The following ASCC1 variants were observed in gnomAD, a reference collection of about 807,000 sequenced individuals.
ASCC1 encodes ASC-1 complex subunit P50.
Under a neutral mutation model 46.6 loss-of-function variants are expected in ASCC1, and 35 were observed. The observed-to-expected ratio is 0.75, with a 90% CI of 0.57 to 0.99. The LOEUF (loss-of-function observed/expected upper bound fraction) is 0.99, where lower values mean the gene tolerates loss of function less well. ASCC1 is among the 50% of genes least tolerant of loss of function. The probability of loss-of-function intolerance (pLI) is 0.00; values close to 1 mark genes in which losing one functional copy is unlikely to be tolerated. For missense variants in ASCC1, 376 were observed against 428.7 expected, an observed-to-expected ratio of 0.88 and a Z score of 1.09; for synonymous variants, 143 against 146.6, an observed-to-expected ratio of 0.98 and a Z score of 0.18.
intron 7 of ASCC1, among the ~76,000 whole-genome samples, chr10:72,142,365 C>CTT (rs71018255): frequency 5.5e-4 from 76 of 137,130 alleles, no homozygotes; most frequent in African/African-American, 1.3e-3. Context: ...GCAGATTTCA[C>CTT]TTTTTTTTTT....
intron 5 of ASCC1, among the ~76,000 whole-genome samples, chr10:72,173,277 C>T (rs1851463014): frequency 6.6e-6 from 1 of 152,014 alleles, no homozygotes; most frequent in African/African-American, 2.4e-5. Context: ...CTTTATTCTT[C>T]AACTTTCTCT....
At chr10:72,157,400 T>C (rs765795150) in intron 6 of ASCC1, among the ~76,000 whole-genome samples, 2 of 152,230 alleles carry the variant, frequency 1.3e-5, no homozygotes, top group Admixed American at 6.5e-5. Context: ...TCACCCTGCA[T>C]AGTTATATCA....
At chr10:72,122,966 A>C (rs1844389026) in intron 9 of ASCC1, among the ~76,000 whole-genome samples, 1 of 152,218 alleles carries the variant, frequency 6.6e-6, no homozygotes, top group Non-Finnish European at 1.5e-5. Flanking sequence ...TCAATAATCT[A>C]AGCTTCTTCC....
chr10:72,099,029 A>G (rs1045491083), intron 9 of ASCC1, among the ~76,000 whole-genome samples: 1 of 152,262 alleles, frequency 6.6e-6, no homozygotes. Context: ...CAGAAAAGCT[A>G]TAACCAAAGA....
At position 72,167,267 on chromosome 10, in the gene ASCC1, C is replaced by T. The variant is rs117702913; in HGVS notation, c.490-5593G>A. 9.7e-3 allele frequency among the ~76,000 whole-genome samples: 1,474 copies of T among 152,170 alleles called. 6 individuals are homozygous for T. Among genetic ancestry groups the T allele is most frequent in the Non-Finnish European group, 0.017 (1,132 of 68,008 alleles). On this transcript the variant is annotated intron_variant, in intron 5 of 9. Transcript: ENST00000672957. Reference sequence around the variant, plus strand: ...GGCTAGCCATATATGCAACACTATTCGGAAATCAAAAGTAATGAACTACTA... The same window carrying T: ...GGCTAGCCATATATGCAACACTATTTGGAAATCAAAAGTAATGAACTACTA...
intron 8 of ASCC1, 47 bp from the exon 9 acceptor site, chr10:72,128,214 G>C (rs1257074391): frequency 6.5e-7 from 1 of 1,539,374 alleles, no homozygotes; most frequent in South Asian, 1.1e-5. Context: ...TTGATTGGTT[G>C]TTTTCTCTTG....
chr10:72,105,463 A>G (rs1842245698), intron 9 of ASCC1, among the ~76,000 whole-genome samples: 1 of 152,242 alleles, frequency 6.6e-6, no homozygotes, highest in South Asian at 2.1e-4. Context: ...CACCCCCGTC[A>G]CAAGTCTGAC....
At chr10:72,115,306 C>T (rs564432140) in intron 9 of ASCC1, among the ~76,000 whole-genome samples, 13 of 152,246 alleles carry the variant, frequency 8.5e-5, no homozygotes, top group African/African-American at 3.1e-4. Context: ...CACTGAGAGG[C>T]ACCTAAGAGG....
chr10:72,131,636 C>T (rs1277654329), intron 8 of ASCC1, among the ~76,000 whole-genome samples: 1 of 152,024 alleles, frequency 6.6e-6, no homozygotes, highest in Non-Finnish European at 1.5e-5. Flanking sequence ...TATGGCATCA[C>T]AAAATAGTAG....
chr10:72,141,036 T>TATAGACAGATAGATAGATAG (rs1554829948), intron 7 of ASCC1, among the ~76,000 whole-genome samples: 4 of 144,276 alleles, frequency 2.8e-5, no homozygotes, highest in African/African-American at 1.0e-4. Context: ...TCAAATTGTT[T>TATAGACAGATAGATAGATAG]ATAGATAGAT....
chr10:72,154,031 T>C (rs1376774580), intron 6 of ASCC1, among the ~76,000 whole-genome samples: 1 of 152,148 alleles, frequency 6.6e-6, no homozygotes, highest in Admixed American at 6.5e-5. Flanking sequence ...TGATATCACA[T>C]CTTTACAAGC....
intron 5 of ASCC1, among the ~76,000 whole-genome samples, chr10:72,192,784 G>GC (rs771342436): frequency 9.2e-5 from 14 of 152,138 alleles, no homozygotes; most frequent in Non-Finnish European, 1.6e-4. Flanking sequence ...ATGGGGCACT[G>GC]CCCCCCGCCA....
At position 72,128,260 on chromosome 10, in the gene ASCC1, T is replaced by C. The variant is rs1225759537; in HGVS notation, c.872-93A>G. ...GGTACATAGGTACGACTAGCAAAAT[T>C]TTCATGAACTACCTGGAAAGTGGCA... On this transcript the variant is annotated intron_variant, in intron 8 of 9. Coordinates refer to ENST00000672957, the MANE Select transcript of ASCC1 (RefSeq NM_001198800.3). 1.2e-5 allele frequency: 12 copies of C among 1,015,212 alleles called. No homozygotes were observed. The African/African-American group carries it at 1.3e-4, about 11-fold the overall frequency. The allele number at this position is 1,015,212 out of a possible 1,614,324, so 62.9% of individuals were successfully genotyped here. A position where few individuals can be genotyped will look rare whatever the true frequency, so the allele number is the denominator to read the frequency against.
At chr10:72,211,563 T>C (rs1858115610) in intron 2 of ASCC1, among the ~76,000 whole-genome samples, 1 of 151,932 alleles carries the variant, frequency 6.6e-6, no homozygotes, top group Non-Finnish European at 1.5e-5. Context: ...CACTCCAGAA[T>C]GCGCTTGTCT....
At position 72,197,083 on chromosome 10, in the gene ASCC1, C is replaced by T. The variant is rs1855547114; in HGVS notation, c.311-94G>A. ...TACTGTCACCTCTGAGGAGCTAAAG[C>T]AGTTCTGAATGCGTATATGAATCTA... is the stretch of plus-strand genomic sequence containing the variant. On this transcript the variant is annotated intron_variant, in intron 4 of 9. Coordinates refer to ENST00000672957, the MANE Select transcript of ASCC1 (RefSeq NM_001198800.3). 22 of 1,218,002 alleles carry T rather than the reference C, an allele frequency of 1.8e-5. No homozygotes were observed. In the South Asian group the frequency reaches 2.7e-4, roughly 15 times the overall value. 75.4% of individuals were successfully genotyped at this position (1,218,002 alleles called of 1,614,324 possible).
intron 5 of ASCC1, among the ~76,000 whole-genome samples, chr10:72,174,410 C>T: frequency 6.6e-6 from 1 of 152,162 alleles, no homozygotes; most frequent in Non-Finnish European, 1.5e-5. Context: ...TGGATTGGTC[C>T]ATCATGAAGC....
At chr10:72,145,202 T>C (rs2132463988) in intron 7 of ASCC1, among the ~76,000 whole-genome samples, 1 of 152,336 alleles carries the variant, frequency 6.6e-6, no homozygotes, top group South Asian at 2.1e-4. Flanking sequence ...ATCTTCTCTT[T>C]GTCTTTAATG....
chr10:72,106,437 G>T (rs1173848975), intron 9 of ASCC1, among the ~76,000 whole-genome samples: 1 of 152,178 alleles, frequency 6.6e-6, no homozygotes, highest in Admixed American at 6.5e-5. Context: ...AGAGTGAATA[G>T]GAATAGCAAA....
intron 5 of ASCC1, among the ~76,000 whole-genome samples, chr10:72,177,400 T>C (rs1290913075): frequency 6.6e-6 from 1 of 152,166 alleles, no homozygotes; most frequent in Non-Finnish European, 1.5e-5. Context: ...AGCTTTTATA[T>C]AAACATTTTC....
Sources: gnomAD v4.1 joint callset for allele counts (sites outside exome capture counted in the v4.1 genomes callset) on GRCh38, gnomAD v4.1.1 for gene constraint, MANE v1.5 for transcripts, NCBI Gene and HGNC (gene_info 2026-07-23, HGNC 2026-07-21) for gene names.